Variants in AFMID observed in about 807,000 individuals in gnomAD.
AFMID encodes the protein kynurenine formamidase.
In AFMID, 39 loss-of-function variants were observed where a neutral mutation model predicts 47.5. The ratio of observed to expected loss-of-function variants is 0.82; its 90% CI spans 0.64 to 1.07. The LOEUF (loss-of-function observed/expected upper bound fraction) is 1.07. Among genes scored for constraint, AFMID ranks in the 50% least tolerant of loss-of-function variants. The probability of loss-of-function intolerance (pLI) is 0.00; values close to 1 mark genes in which losing one functional copy is unlikely to be tolerated. For missense variants in AFMID, 375 were observed against 387.5 expected, an observed-to-expected ratio of 0.97 and a Z score of 0.27; for synonymous variants, 130 against 153.2, an observed-to-expected ratio of 0.85 and a Z score of 1.12.
At chr17:78,188,111 T>C (rs563174151) in intron 1 of AFMID, among the ~76,000 whole-genome samples, 4 of 151,788 alleles carry the variant, frequency 2.6e-5, no homozygotes, top group Non-Finnish European at 5.9e-5. Flanking sequence ...GGTATTTACA[T>C]TGGGGTTGTG....
chr17:78,196,573 G>A (rs2076120289), intron 2 of AFMID, among the ~76,000 whole-genome samples: 1 of 152,054 alleles, frequency 6.6e-6, no homozygotes, highest in Non-Finnish European at 1.5e-5. Flanking sequence ...CAGCCACCGG[G>A]GAGGCTGAAG....
chr17:78,191,109 G>A, intron 2 of AFMID, 49 bp downstream of exon 2: 1 of 1,528,962 alleles, frequency 6.5e-7, no homozygotes, highest in Non-Finnish European at 9.0e-7. Flanking sequence ...TTAAGCATGT[G>A]GCAGTGATTC....
At chr17:78,190,769 C>G (rs2075944264) in intron 1 of AFMID, 1 of 542,530 alleles carries the variant, frequency 1.8e-6, no homozygotes, top group Non-Finnish European at 3.3e-6. Context: ...ACCTCATCTC[C>G]CCTTAAGGCT....
intron 2 of AFMID, 92 bp from the exon 3 acceptor site, chr17:78,202,407 C>T (rs1010453802): frequency 1.4e-5 from 18 of 1,297,932 alleles, no homozygotes; most frequent in Non-Finnish European, 1.8e-5. Context: ...CCAGCTTGGG[C>T]AACAGAGTGA....
At chr17:78,194,894 A>T (rs779325141) in intron 2 of AFMID, among the ~76,000 whole-genome samples, 1 of 151,884 alleles carries the variant, frequency 6.6e-6, no homozygotes, top group African/African-American at 2.4e-5. Context: ...GGGTTTCTCC[A>T]TGTTGGTCAG....
rs762457481 is a variant in AFMID, at chr17:78,206,951, T to C, written c.*14T>C. The C allele has an allele frequency of 1.2e-6, 2 of 1,613,828 alleles. No individual in the cohort carries two copies. Among genetic ancestry groups the C allele is most frequent in the Non-Finnish European group, 1.7e-6 (2 of 1,179,850 alleles). On this transcript the variant is annotated 3_prime_UTR_variant, in exon 11 of 11. Transcript: ENST00000409257. ...ATCTTCCAGTAGTTCTGACGATACT[T>C]GGAGCCTGGTCCACGTGCATCCCAC...
Position 78,187,410 on chromosome 17 carries a change from C to A in AFMID, c.40C>A (p.Pro14Thr). The A allele has an allele frequency of 6.2e-7, 1 of 1,613,904 alleles. No homozygotes were observed. Reference protein sequence around the residue: ...VSGVGFPSKVPWKKMSAEELE... With the variant: ...VSGVGFPSKVTWKKMSAEELE... ...TGGTGTGGGTTTCCCAAGCAAGGTT[C>A]CTTGGAAGAAGATGTCTGCAGAGGT... The change falls in exon 1 of 11, where the codon CCT becomes ACT. Residue 14 changes from proline to threonine, a missense_variant. Pro to Thr is a conservative substitution (Grantham distance 38). Transcript: ENST00000409257.
chr17:78,189,866 C>T lies in AFMID; in HGVS notation c.64-1104C>T, dbSNP rs916218332. Among the ~76,000 whole-genome samples the T allele has an allele frequency of 1.0e-4, 13 of 127,834 alleles. No homozygotes were observed. In the South Asian group the frequency reaches 3.1e-3, roughly 31 times the overall value. The allele number at this position is 127,834 out of a possible 152,430, so 83.9% of individuals were successfully genotyped here. On this transcript the variant is annotated intron_variant, in intron 1 of 10. Transcript: ENST00000409257. ...TTTTTTTTTGAGATGGGGTCTCACT[C>T]TGTCGCCCAGGCTGGAGTGCAGTAG...
At position 78,195,641 on chromosome 17, in the gene AFMID, T is replaced by C. The variant is rs532513979; in HGVS notation, c.154+4581T>C. Among the ~76,000 whole-genome samples the C allele has an allele frequency of 5.9e-5, 9 of 152,044 alleles. No homozygotes were observed. In the East Asian group the frequency reaches 9.7e-4, roughly 16 times the overall value. ...CCTTGGCCTCCCAAGTAGCTGGGATTACAGGCGTGCGCCACCACGTCCAGC... is the reference window on the plus strand; with the variant it reads ...CCTTGGCCTCCCAAGTAGCTGGGATCACAGGCGTGCGCCACCACGTCCAGC... On this transcript the variant is annotated intron_variant, in intron 2 of 10. Coordinates refer to ENST00000409257, the MANE Select transcript of AFMID (RefSeq NM_001010982.5).
rs769495118 is a variant in AFMID at position 78,202,595 on chromosome 17, C to T, written c.251C>T (p.Ser84Leu). 6.8e-6 allele frequency: 11 copies of T among 1,613,366 alleles called. No individual in the cohort carries two copies. Among genetic ancestry groups the T allele is most frequent in the Admixed American group, 1.7e-5 (1 of 59,998 alleles). ...EKVDIYFPDE[S>L]SEALPFFLFF... ...GTGGACATTTACTTCCCCGACGAGT[C>T]GTCTGAAGGTTGTCGGTGAAGGGGC... The change falls in exon 3 of 11, where the codon TCG becomes TTG. Residue 84 changes from serine to leucine, a missense_variant. Transcript: ENST00000409257.
intron 2 of AFMID, among the ~76,000 whole-genome samples, chr17:78,194,775 A>G (rs199527042): frequency 6.6e-6 from 1 of 151,852 alleles, no homozygotes; most frequent in Non-Finnish European, 1.5e-5. Flanking sequence ...GCTCACCGCA[A>G]CCTCCGCCTC....
rs143224831 is a variant in AFMID, at chr17:78,202,747, G to A, written c.304G>A (p.Gly102Arg). 33 of 1,557,506 alleles carry A rather than the reference G, an allele frequency of 2.1e-5. No individual in the cohort carries two copies. The highest frequency in any genetic ancestry group is 7.8e-5 in the Admixed American group (4 of 51,212). ...CTTTCACGGAGGATACTGGCAGAGC[G>A]GAAGGTGAGTCGGGGGATGTGGATG... ...LFFHGGYWQS[G>R]SKDESAFMVH... is the part of the protein sequence containing the mutation. The change falls in exon 4 of 11, where the codon GGA (glycine) becomes AGA (arginine). Residue 102 changes from glycine (G) to arginine (R), a missense_variant. Physicochemically the swap from Gly to Arg is moderately radical, Grantham distance 125. Transcript: ENST00000409257.
At chr17:78,192,632 T>C (rs940516681) in intron 2 of AFMID, 3 of 470,998 alleles carry the variant, frequency 6.4e-6, no homozygotes, top group African/African-American at 6.0e-5. Context: ...TTTCTTTCTT[T>C]AAAGAAATCT....
At position 78,204,670 on chromosome 17, in the gene AFMID, C is replaced by A. The variant is rs755407039; in HGVS notation, c.323C>A (p.Ala108Asp). ...YWQSGSKDESAFMVHPLTAQG... is the reference protein window; with the variant it reads ...YWQSGSKDESDFMVHPLTAQG... ...TGTCTCTGCAGTAAGGATGAGTCTG[C>A]CTTCATGGTCCACCCGCTGACGGCA... The change falls in exon 5 of 11, where the codon GCC becomes GAC. Residue 108 changes from alanine (A) to aspartate (D), a missense_variant. Coordinates refer to ENST00000409257, the MANE Select transcript of AFMID (RefSeq NM_001010982.5). 2 of 1,614,142 alleles carry A rather than the reference C, an allele frequency of 1.2e-6. No homozygotes were observed. The highest frequency in any genetic ancestry group is 2.2e-5 in the South Asian group (2 of 91,070).
chr17:78,207,126 T>C lies in AFMID; in HGVS notation c.*189T>C, dbSNP rs1006577900. 2 of 648,842 alleles carry C rather than the reference T, an allele frequency of 3.1e-6. No homozygotes were observed. Among genetic ancestry groups the C allele is most frequent in the Non-Finnish European group, 5.4e-6 (2 of 370,156 alleles). The allele number at this position is 648,842 out of a possible 1,614,324, so 40.2% of individuals were successfully genotyped here. On this transcript the variant is annotated 3_prime_UTR_variant, in exon 11 of 11. Transcript: ENST00000409257. ...CATGAAAATCTCCACGTCCTCCCTC[T>C]TCCCAGCCTGGATGGAGCTCCAGGG...
chr17:78,187,960 C>CAAAAAAAAAAAAAAAAAAAAAAAAA (rs34018698), intron 1 of AFMID, among the ~76,000 whole-genome samples: 7 of 56,678 alleles, frequency 1.2e-4, no homozygotes, highest in Non-Finnish European at 1.8e-4. Context: ...GACTTAGTCT[C>CAAAAAAAAAAAAAAAAAAAAAAAAA]AAAAAAAAAA....
chr17:78,200,038 CA>C (rs2145867514), intron 2 of AFMID, among the ~76,000 whole-genome samples: 1 of 150,396 alleles, frequency 6.6e-6, no homozygotes, highest in Non-Finnish European at 1.5e-5. Flanking sequence ...GTGACCCCCA[CA>C]ACGACATAAA....
rs1288114521 is a variant in AFMID at position 78,190,952 on chromosome 17, C to T, written c.64-18C>T. The T allele has an allele frequency of 4.3e-6, 7 of 1,611,746 alleles. No homozygotes were observed. The highest frequency in any genetic ancestry group is 5.9e-6 in the Non-Finnish European group (7 of 1,178,902). The stretch of plus-strand genomic sequence containing the variant: ...TGAGAAGGAAAGTCTTACGGAGCCT[C>T]ATGTTTGTGCCCTGCAGGAGCTGGA... On this transcript the variant is annotated intron_variant, in intron 1 of 10. Coordinates refer to ENST00000409257, the MANE Select transcript of AFMID (RefSeq NM_001010982.5).
chr17:78,202,541 T>TC lies in AFMID; in HGVS notation c.201dup (p.Tyr68LeufsTer19). The TC allele has an allele frequency of 6.2e-7, 1 of 1,613,928 alleles. No individual in the cohort carries two copies. The highest frequency in any genetic ancestry group is 2.2e-5 in the East Asian group (1 of 44,860). On this transcript the variant is annotated frameshift_variant, in exon 3 of 11. Transcript: ENST00000409257. LOFTEE classifies it high-confidence loss of function. The stretch of plus-strand genomic sequence containing the variant: ...GCCACCAGGAAGAGCCTGCTGCATG[T>TC]CCCCTATGGAGACGGCGAAGGGGAG...
Sources: allele counts gnomAD v4.1 joint callset (sites outside exome capture counted in the v4.1 genomes callset), GRCh38; gene constraint gnomAD v4.1.1; transcripts MANE v1.5; gene names NCBI Gene and HGNC (gene_info 2026-07-23, HGNC 2026-07-21).